Variants in PXDN observed in about 807,000 individuals in gnomAD.
The protein encoded by PXDN is peroxidasin, also known as peroxidasin homolog.
In PXDN, 77 loss-of-function variants were observed where a neutral mutation model predicts 140.3. That is an observed-to-expected ratio of 0.55 (90% CI 0.46 to 0.66). The LOEUF is 0.66. Among genes scored for constraint, PXDN ranks in the 30% least tolerant of loss-of-function variants. The pLI, the probability that PXDN is intolerant of heterozygous loss-of-function variation, is 0.00. For missense variants in PXDN, 1,838 were observed against 2,039.5 expected (o/e 0.90, Z 1.90); for synonymous variants, 911 against 857.4 (o/e 1.06, Z -1.09).
chr2:1,637,081 G>C (rs1682578631), intron 21 of PXDN: 1 of 152,338 alleles, frequency 6.6e-6, no homozygotes, highest in Non-Finnish European at 1.5e-5. Context: ...TCAGCAACAT[G>C]GGAGGGCATA....
At chr2:1,738,063 C>T (rs965129761) in intron 1 of PXDN, among the ~76,000 whole-genome samples, 1 of 152,088 alleles carries the variant, frequency 6.6e-6, no homozygotes, top group African/African-American at 2.4e-5. Flanking sequence ...TACTGGCCCA[C>T]ATAGAGAGAT....
At chr2:1,679,886 CTATAAATGGTGTGTG>C (rs1683841162) in intron 7 of PXDN, among the ~76,000 whole-genome samples, 1 of 106,778 alleles carries the variant, frequency 9.4e-6, no homozygotes, top group African/African-American at 4.0e-5. Flanking sequence ...ATGTGTGTGT[CTATAAATGGTGTGTG>C]TGTAAATGGT....
intron 19 of PXDN, among the ~76,000 whole-genome samples, chr2:1,640,233 G>T (rs1199460865): frequency 6.6e-6 from 1 of 152,198 alleles, no homozygotes; most frequent in Admixed American, 6.5e-5. Flanking sequence ...ACTATCTAAC[G>T]AAGTAATGGG....
At position 1,632,634 on chromosome 2, in the gene PXDN, G is replaced by C. The variant is rs1682440028; in HGVS notation, c.*1570C>G. On this transcript the variant is annotated 3_prime_UTR_variant, in exon 23 of 23. Transcript: ENST00000252804. The surrounding 1 kb of genome is among the most constrained non-coding windows in gnomAD (Gnocchi z 4.3). ...GCCGGCCCGTGCTGGAAGGGTCTGG[G>C]TGTCTCCTTGGGAGGATGTGCACCT... 1 of 152,242 alleles carries C rather than the reference G, an allele frequency of 6.6e-6. No individual in the cohort carries two copies. The highest frequency in any genetic ancestry group is 2.4e-5 in the African/African-American group (1 of 41,448). 9.4% of individuals were successfully genotyped at this position (152,242 alleles called of 1,614,324 possible).
chr2:1,665,241 C>T (rs546394063), intron 10 of PXDN, among the ~76,000 whole-genome samples, 167 bp from the exon 11 acceptor site: 8 of 152,078 alleles, frequency 5.3e-5, no homozygotes, highest in African/African-American at 1.7e-4. Context: ...GGGAGCAGAA[C>T]GGAAAGAAGA....
chr2:1,709,044 T>C (rs1237089598), intron 1 of PXDN, among the ~76,000 whole-genome samples: 1 of 152,172 alleles, frequency 6.6e-6, no homozygotes, highest in Non-Finnish European at 1.5e-5. Flanking sequence ...AGGGAGCTGG[T>C]GGCCGGTCTT....
chr2:1,684,647 A>G (rs1046365741), intron 4 of PXDN, among the ~76,000 whole-genome samples: 4 of 152,236 alleles, frequency 2.6e-5, no homozygotes, highest in Non-Finnish European at 2.9e-5. Context: ...CAAAGGAAAC[A>G]CAAAAAGAAT....
At chr2:1,683,881 T>C (rs13396471) in intron 5 of PXDN, among the ~76,000 whole-genome samples, 154 bp from the exon 6 acceptor site, 1 of 147,954 alleles carries the variant, frequency 6.8e-6, no homozygotes, top group Non-Finnish European at 1.5e-5. Context: ...AAAGAAATGG[T>C]TTTTTTTTCC....
At chr2:1,711,544 C>T (rs1430075770) in intron 1 of PXDN, among the ~76,000 whole-genome samples, 1 of 135,012 alleles carries the variant, frequency 7.4e-6, no homozygotes, top group African/African-American at 3.0e-5. Flanking sequence ...ACTCCACCAG[C>T]ACCCACTCTC....
At chr2:1,661,068 G>T (rs775074199) in intron 13 of PXDN, 31 bp from the exon 14 acceptor site, 13 of 1,612,286 alleles carry the variant, frequency 8.1e-6, no homozygotes, top group Non-Finnish European at 1.1e-5. Context: ...AACAGTATTA[G>T]AAATAAGACT....
In PXDN at chr2:1,687,571, A is replaced by C; in HGVS notation, c.416+61T>G. 2 of 1,334,038 alleles carry C rather than the reference A, an allele frequency of 1.5e-6. No homozygotes were observed. The highest frequency in any genetic ancestry group is 2.5e-5 in the East Asian group (1 of 40,698). The allele number at this position is 1,334,038 out of a possible 1,614,324, so 82.6% of individuals were successfully genotyped here. A position where few individuals can be genotyped will look rare whatever the true frequency, so the allele number is the denominator to read the frequency against. On this transcript the variant is annotated intron_variant, in intron 4 of 22. Transcript: ENST00000252804. This position sits in a 1 kb window ranked among gnomAD's most constrained non-coding sequence, Gnocchi z 4.0. ...CAGCTAGCTCACTCCACTGGTCCCTACAAGAGGAAAACAGCCAGACGGCAT... is the reference window on the plus strand; with the variant it reads ...CAGCTAGCTCACTCCACTGGTCCCTCCAAGAGGAAAACAGCCAGACGGCAT...
chr2:1,679,664 GTGTGTGTGGATGGCACA>G (rs1220764489), intron 7 of PXDN, among the ~76,000 whole-genome samples: 4 of 148,890 alleles, frequency 2.7e-5, no homozygotes, highest in Non-Finnish European at 6.0e-5. Flanking sequence ...TGTGTAAATG[GTGTGTGTGGATGGCACA>G]TGTGTGTGGT....
At chr2:1,734,765 G>C (rs1278191783) in intron 1 of PXDN, among the ~76,000 whole-genome samples, 1 of 152,334 alleles carries the variant, frequency 6.6e-6, no homozygotes, top group East Asian at 1.9e-4. Context: ...TACTCGGGAG[G>C]CTGAAGCAGG....
At chr2:1,691,849 G>A (rs1684188096) in intron 3 of PXDN, 79 bp downstream of exon 3, 2 of 882,740 alleles carry the variant, frequency 2.3e-6, no homozygotes, top group Non-Finnish European at 3.4e-6. Context: ...TAATTCATAA[G>A]CAGCACGAAA....
At chr2:1,659,751 T>C (rs758238854) in intron 14 of PXDN, among the ~76,000 whole-genome samples, 6 of 152,236 alleles carry the variant, frequency 3.9e-5, no homozygotes, top group Non-Finnish European at 7.3e-5. Context: ...AACTTTACAT[T>C]TCACACTCTA....
chr2:1,685,542 G>A lies in PXDN; in HGVS notation c.417-1391C>T, dbSNP rs12623562. ...GCACAGTGGCTGTGAGCTGCTCAGC[G>A]AGGCTTCAGTGCAGGCAGGCAGGGG... On this transcript the variant is annotated intron_variant, in intron 4 of 22. Coordinates refer to ENST00000252804, the MANE Select transcript of PXDN (RefSeq NM_012293.3). This position sits in a 1 kb window ranked among gnomAD's most constrained non-coding sequence, Gnocchi z 5.1. Among the ~76,000 whole-genome samples, 28,040 of 152,014 alleles carry A rather than the reference G, an allele frequency of 0.18. 3,087 individuals are homozygous for A. Among genetic ancestry groups the A allele is most frequent in the East Asian group, 0.33 (1,698 of 5,112 alleles).
chr2:1,692,960 C>T, intron 2 of PXDN, 103 bp downstream of exon 2: 2 of 1,149,230 alleles, frequency 1.7e-6, no homozygotes, highest in Non-Finnish European at 2.5e-6. Flanking sequence ...TCCACTTTTC[C>T]CCACCCAAGC....
At chr2:1,637,305 A>G (rs1488145310) in intron 21 of PXDN, among the ~76,000 whole-genome samples, 1 of 152,000 alleles carries the variant, frequency 6.6e-6, no homozygotes, top group East Asian at 1.9e-4. Context: ...TGCCAGGTGG[A>G]GCTGAGTGAA....
chr2:1,734,672 T>G (rs1685390774), intron 1 of PXDN, among the ~76,000 whole-genome samples: 1 of 152,084 alleles, frequency 6.6e-6, no homozygotes, highest in Non-Finnish European at 1.5e-5. Flanking sequence ...ACTGAGACTG[T>G]TCTGGCCAAC....
Sources: gnomAD v4.1 joint callset for allele counts (sites outside exome capture counted in the v4.1 genomes callset) on GRCh38, gnomAD v4.1.1 for gene constraint, Gnocchi (gnomAD v3.1) non-coding constraint, MANE v1.5 for transcripts, NCBI Gene and HGNC (gene_info 2026-07-23, HGNC 2026-07-21) for gene names.